NIBAN1: variants seen among roughly 807,000 people sequenced by gnomAD.
NIBAN1 encodes protein Niban 1.
NIBAN1 carries 81 observed loss-of-function variants against 75.1 expected under a neutral mutation model. That is an observed-to-expected ratio of 1.08 (90% CI 0.90 to 1.30). The LOEUF (loss-of-function observed/expected upper bound fraction) is 1.30, where lower values mean the gene tolerates loss of function less well. NIBAN1 is among the 50% of genes most tolerant of loss of function. NIBAN1 has a pLI of 0.00. For synonymous variants in NIBAN1, 436 were observed against 424.8 expected, an observed-to-expected ratio of 1.03 and a Z score of -0.32; for missense variants, 1,133 against 1,128.1, an observed-to-expected ratio of 1.00 and a Z score of -0.06.
chr1:184,800,159 T>A (rs1653995658), intron 12 of NIBAN1, among the ~76,000 whole-genome samples: 1 of 151,436 alleles, frequency 6.6e-6, no homozygotes. Flanking sequence ...TGCATAAATG[T>A]CTTCTTTTGA....
chr1:184,807,916 G>A, intron 10 of NIBAN1, 158 bp downstream of exon 10: 1 of 738,868 alleles, frequency 1.4e-6, no homozygotes, highest in South Asian at 1.6e-5. Context: ...GGAAGATGAA[G>A]CCAGTGGAGG....
chr1:184,829,979 C>G (rs961290727), intron 6 of NIBAN1, among the ~76,000 whole-genome samples: 1 of 152,198 alleles, frequency 6.6e-6, no homozygotes, highest in African/African-American at 2.4e-5. Context: ...TAGCATGTAA[C>G]TCTGAAACTA....
At position 184,792,249 on chromosome 1, in the gene NIBAN1, T is replaced by G. The variant is rs1295971532; in HGVS notation, c.*2728A>C. ...AGCTACCACATCCAGCCCAAAAACT[T>G]GTCTTTAGTGAAATATGTACAGAAA... On this transcript the variant is annotated 3_prime_UTR_variant, in exon 14 of 14. Transcript: ENST00000367511. 6.6e-6 allele frequency: 1 copy of G among 152,144 alleles called. No individual in the cohort carries two copies. Among genetic ancestry groups the G allele is most frequent in the Non-Finnish European group, 1.5e-5 (1 of 68,018 alleles). The allele number at this position is 152,144 out of a possible 1,614,324, so 9.4% of individuals were successfully genotyped here.
intron 1 of NIBAN1, among the ~76,000 whole-genome samples, chr1:184,912,436 A>C (rs997103703): frequency 6.6e-6 from 1 of 152,078 alleles, no homozygotes; most frequent in Non-Finnish European, 1.5e-5. Context: ...TGCCCTCCAA[A>C]GTGGCTGCGC....
Position 184,823,312 on chromosome 1 carries a change from G to A in NIBAN1, c.840C>T (p.Tyr280=). 1 of 1,614,158 alleles carries A rather than the reference G, an allele frequency of 6.2e-7. No homozygotes were observed. The highest frequency in any genetic ancestry group is 8.5e-7 in the Non-Finnish European group (1 of 1,180,022). ...CTGAAACTTGATGCTGAACCAGGGT[G>A]TAGGCCTCCTCGAGGAGCTGCAACA... ...RTWLGLLEEA[Y]TLVQHQVSEG... is the part of the protein sequence containing the mutation. The change falls in exon 8 of 14, where the codon TAC becomes TAT. Residue 280 remains tyrosine, a synonymous_variant. Transcript: ENST00000367511.
intron 8 of NIBAN1, among the ~76,000 whole-genome samples, chr1:184,820,342 T>C (rs1169223986): frequency 6.6e-6 from 1 of 152,158 alleles, no homozygotes; most frequent in East Asian, 1.9e-4. Context: ...GGAGGGTATA[T>C]TCCTCTCTGC....
intron 9 of NIBAN1, among the ~76,000 whole-genome samples, chr1:184,813,882 A>G (rs1654453548): frequency 6.6e-6 from 1 of 152,208 alleles, no homozygotes; most frequent in African/African-American, 2.4e-5. Flanking sequence ...TAGGCTCCAC[A>G]CCTAGTACAT....
At chr1:184,867,795 A>G (rs1056938009) in intron 5 of NIBAN1, 37 of 921,996 alleles carry the variant, frequency 4.0e-5, no homozygotes, top group Non-Finnish European at 4.3e-5. Flanking sequence ...TTTATAAGCA[A>G]TGACTGTGTT....
In NIBAN1 at chr1:184,842,509, T is replaced by C. The variant is rs187376431; in HGVS notation, c.602-10547A>G. ...TGGCTCACGCCTGTAATCCCAGTACTTTGGGAGGCCGAGGCAGGCGGATTA... is the reference window on the plus strand; with the variant it reads ...TGGCTCACGCCTGTAATCCCAGTACCTTGGGAGGCCGAGGCAGGCGGATTA... On this transcript the variant is annotated intron_variant, in intron 5 of 13. Transcript: ENST00000367511. Among the ~76,000 whole-genome samples the C allele has an allele frequency of 3.3e-3, 508 of 152,234 alleles. 8 individuals are homozygous for C. In the East Asian group the frequency reaches 0.039, roughly 12 times the overall value.
rs1558092890 is a variant in NIBAN1 at position 184,795,510 on chromosome 1, G to C, written c.2254C>G (p.Pro752Ala). Residue 752 changes from proline (P) to alanine (A), a missense_variant, in exon 14 of 14, where the codon CCC becomes GCC. Pro to Ala is a conservative substitution (Grantham distance 27, BLOSUM62 -1). Transcript: ENST00000367511. Reference sequence around the variant, plus strand: ...GGGTGGATGGCAGCTGCCTGACTGGGCTCTTTTTCCTCTTCTTCTTCATTT... The same window carrying C: ...GGGTGGATGGCAGCTGCCTGACTGGCCTCTTTTTCCTCTTCTTCTTCATTT... ...QENEEEEEKE[P>A]SQAAAIHPDN... 1.9e-6 allele frequency: 3 copies of C among 1,613,586 alleles called. No homozygotes were observed. Among genetic ancestry groups the C allele is most frequent in the East Asian group, 2.2e-5 (1 of 44,878 alleles).
At chr1:184,908,907 T>C (rs1450578619) in intron 1 of NIBAN1, among the ~76,000 whole-genome samples, 1 of 152,118 alleles carries the variant, frequency 6.6e-6, no homozygotes. Context: ...TAATCTGATA[T>C]AGCTGCTTTT....
At chr1:184,922,423 T>G (rs543254030) in intron 1 of NIBAN1, among the ~76,000 whole-genome samples, 30 of 152,166 alleles carry the variant, frequency 2.0e-4, no homozygotes, top group Non-Finnish European at 4.0e-4. Flanking sequence ...TGGTAACTAC[T>G]GTTCTACTCT....
At position 184,974,380 on chromosome 1, in the gene NIBAN1, C is replaced by G; in HGVS notation, c.-24G>C. On this transcript the variant is annotated 5_prime_UTR_variant, in exon 1 of 14. Transcript: ENST00000367511. ...ATGACCGCGAGCTGCCTGTGCTGAG[C>G]GCGGAAACTGCCCGGTCCGCGCCCG... 1.3e-6 allele frequency: 2 copies of G among 1,545,786 alleles called. No individual in the cohort carries two copies. The highest frequency in any genetic ancestry group is 8.7e-7 in the Non-Finnish European group (1 of 1,151,814).
At chr1:184,953,740 A>G (rs1178395471) in intron 1 of NIBAN1, among the ~76,000 whole-genome samples, 2 of 152,348 alleles carry the variant, frequency 1.3e-5, no homozygotes, top group Non-Finnish European at 2.9e-5. Flanking sequence ...GGAAGTGCCA[A>G]ATAATGATAC....
At chr1:184,853,881 A>G (rs540401233) in intron 5 of NIBAN1, among the ~76,000 whole-genome samples, 82 of 152,276 alleles carry the variant, frequency 5.4e-4, no homozygotes, top group African/African-American at 1.1e-3. Context: ...AAGACTCTAG[A>G]CTGGTGCTAT....
intron 3 of NIBAN1, 103 bp from the exon 4 acceptor site, chr1:184,890,325 G>T: frequency 1.3e-6 from 1 of 783,224 alleles, no homozygotes. Context: ...TTCAGAGATA[G>T]CAATCCCCAT....
intron 5 of NIBAN1, among the ~76,000 whole-genome samples, chr1:184,838,130 A>C (rs1016086513): frequency 6.6e-6 from 1 of 152,142 alleles, no homozygotes; most frequent in Non-Finnish European, 1.5e-5. Flanking sequence ...TAGAGTTATA[A>C]ATCCTTATAC....
chr1:184,836,907 A>T (rs1013268233), intron 5 of NIBAN1, among the ~76,000 whole-genome samples: 1 of 152,250 alleles, frequency 6.6e-6, no homozygotes, highest in Non-Finnish European at 1.5e-5. Flanking sequence ...AATCTGCTAC[A>T]TTGTAAGTTG....
chr1:184,916,689 TATA>T (rs760097492), intron 1 of NIBAN1, among the ~76,000 whole-genome samples: 20 of 152,136 alleles, frequency 1.3e-4, no homozygotes, highest in African/African-American at 3.6e-4. Flanking sequence ...ATTTTATATT[TATA>T]ATAAGACAAA....
Sources: gnomAD v4.1 joint callset for allele counts (sites outside exome capture counted in the v4.1 genomes callset) on GRCh38, gnomAD v4.1.1 for gene constraint, MANE v1.5 for transcripts, NCBI Gene and HGNC (gene_info 2026-07-23, HGNC 2026-07-21) for gene names.